SLC8B1: variants seen among roughly 807,000 people sequenced by gnomAD.
SLC8B1 encodes solute carrier family 8 member B1.
A neutral mutation model predicts 63.4 loss-of-function variants in SLC8B1; 52 were observed. The observed-to-expected ratio is 0.82, with a 90% CI of 0.66 to 1.03. The LOEUF (loss-of-function observed/expected upper bound fraction) is 1.03, where lower values mean the gene tolerates loss of function less well. Ranked by LOEUF, SLC8B1 falls within the 50% of genes least tolerant of loss-of-function variation. The pLI, the probability that SLC8B1 is intolerant of heterozygous loss-of-function variation, is 0.00. For missense variants in SLC8B1, 657 were observed against 741.7 expected (o/e 0.89, Z 1.33); for synonymous variants, 336 against 323.9 (o/e 1.04, Z -0.40).
At chr12:113,304,497 G>T in intron 14 of SLC8B1, 112 bp from the exon 15 acceptor site, 1 of 978,390 alleles carries the variant, frequency 1.0e-6, no homozygotes, top group Non-Finnish European at 1.6e-6. Flanking sequence ...CTGCAAGAAT[G>T]AACTTGGGCC....
intron 11 of SLC8B1, 64 bp downstream of exon 11, chr12:113,315,270 GA>G: frequency 6.9e-7 from 1 of 1,439,542 alleles, no homozygotes; most frequent in Non-Finnish European, 9.2e-7. Flanking sequence ...AGCCTGGGTG[GA>G]AGAAAACTCC....
chr12:113,320,341 T>C lies in SLC8B1; in HGVS notation c.684A>G (p.Ala228=). Reference sequence around the variant, plus strand: ...CCCAGAGCTGCTCACCCAGAGCCCATGCCAGGGTGACCCTGCCACGGAAGA... The same window carrying C: ...CCCAGAGCTGCTCACCCAGAGCCCACGCCAGGGTGACCCTGCCACGGAAGA... ...LMLFRGRVTL[A]WALGYLGLYV... Residue 228 remains alanine (A), a synonymous_variant, in exon 7 of 16, where the codon GCA becomes GCG. Transcript: ENST00000680972. This position sits in a 1 kb window ranked among gnomAD's most constrained non-coding sequence, Gnocchi z 5.3. 6.2e-7 allele frequency: 1 copy of C among 1,614,022 alleles called. No homozygotes were observed. Among genetic ancestry groups the C allele is most frequent in the Non-Finnish European group, 8.5e-7 (1 of 1,179,968 alleles).
chr12:113,307,110 CAAAAAAAAAAAAAAAAAAAAAA>C (rs67032040), intron 13 of SLC8B1, among the ~76,000 whole-genome samples: 341 of 18,200 alleles, frequency 0.019, 8 homozygotes, highest in African/African-American at 0.047. Flanking sequence ...GCCTCCATCT[CAAAAAAAAAAAAAAAAAAAAAA>C]AAAAAAAAAA....
Position 113,321,209 on chromosome 12 carries a change from G to A in SLC8B1, c.296C>T (p.Ala99Val), listed in dbSNP as rs765609055. The A allele has an allele frequency of 6.2e-7, 1 of 1,614,130 alleles. No individual in the cohort carries two copies. The highest frequency in any genetic ancestry group is 1.1e-5 in the South Asian group (1 of 91,080). ...CHFPPSLLPLAVTLYVSWLLY... is the reference protein window; with the variant it reads ...CHFPPSLLPLVVTLYVSWLLY... ...GCAGGGCCTCACGTAGAGAGTGACA[G>A]CCAGAGGGAGGAGGCTGGGAGGGAA... Residue 99 changes from alanine to valine, a missense_variant, in exon 3 of 16, where the codon GCT becomes GTT. Coordinates refer to ENST00000680972, the MANE Select transcript of SLC8B1 (RefSeq NM_001358345.2).
At chr12:113,304,504 G>A in intron 14 of SLC8B1, 119 bp from the exon 15 acceptor site, 3 of 903,108 alleles carry the variant, frequency 3.3e-6, no homozygotes, top group Non-Finnish European at 5.2e-6. Context: ...AATGAACTTG[G>A]GCCAGGCGCA....
chr12:113,309,288 C>T (rs1473217730), intron 12 of SLC8B1, among the ~76,000 whole-genome samples: 1 of 151,998 alleles, frequency 6.6e-6, no homozygotes, highest in East Asian at 1.9e-4. Flanking sequence ...CCAGCCTCAG[C>T]CTCCCGAGTA....
intron 15 of SLC8B1, among the ~76,000 whole-genome samples, chr12:113,301,206 C>T (rs565997187): frequency 4.6e-5 from 7 of 151,604 alleles, no homozygotes; most frequent in Non-Finnish European, 8.8e-5. Flanking sequence ...AAACAGACAA[C>T]AAAGCAAAGG....
Position 113,299,518 on chromosome 12 carries a change from T to C in SLC8B1, c.*259A>G. 2.1e-6 allele frequency: 1 copy of C among 469,220 alleles called. No individual in the cohort carries two copies. The highest frequency in any genetic ancestry group is 4.1e-5 in the East Asian group (1 of 24,486). The allele number at this position is 469,220 out of a possible 1,614,324, so 29.1% of individuals were successfully genotyped here. ...GCTCTGGGGGTCATTCAAGGGGGAC[T>C]TCTAGCTTCTCTCTGGAACCCTTTG... On this transcript the variant is annotated 3_prime_UTR_variant, in exon 16 of 16. Coordinates refer to ENST00000680972, the MANE Select transcript of SLC8B1 (RefSeq NM_001358345.2).
chr12:113,300,383 T>C (rs1337486356), intron 15 of SLC8B1, among the ~76,000 whole-genome samples: 1 of 152,186 alleles, frequency 6.6e-6, no homozygotes, highest in Non-Finnish European at 1.5e-5. Flanking sequence ...CTGGGGAGGC[T>C]GAGGCAGGAG....
chr12:113,317,867 G>A (rs566542352), intron 8 of SLC8B1, among the ~76,000 whole-genome samples: 1 of 149,732 alleles, frequency 6.7e-6, no homozygotes, highest in Non-Finnish European at 1.5e-5. Flanking sequence ...TGTGTATGCT[G>A]CATGTTTGTG....
chr12:113,302,279 G>T (rs1956598764), intron 15 of SLC8B1: 2 of 183,676 alleles, frequency 1.1e-5, no homozygotes, highest in South Asian at 2.1e-4. Flanking sequence ...CAGAGGCAGA[G>T]ACTGCAGAGA....
At chr12:113,315,269 G>A in intron 11 of SLC8B1, 66 bp downstream of exon 11, 1 of 1,436,296 alleles carries the variant, frequency 7.0e-7, no homozygotes, top group Admixed American at 2.6e-5. Context: ...CAGCCTGGGT[G>A]GAAGAAAACT....
chr12:113,319,002 C>T lies in SLC8B1; in HGVS notation c.764G>A (p.Arg255Gln), dbSNP rs145132011. 38 of 1,614,004 alleles carry T rather than the reference C, an allele frequency of 2.4e-5. No homozygotes were observed. The Middle Eastern group carries it at 1.2e-3, about 49-fold the overall frequency. Residue 255 changes from arginine (R) to glutamine (Q), a missense_variant, in exon 8 of 16, where the codon CGG (arginine) becomes CAG (glutamine). By Grantham distance (43) the Arg-to-Gln change is conservative. Transcript: ENST00000680972. ...CATGGGGCAGAACAGAGATCCTCTC[C>T]GTTGCCGTTGGTAGATCCAGGTGCA... ...ILCTWIYQRQ[R>Q]RGSLFCPMPV...
intron 11 of SLC8B1, among the ~76,000 whole-genome samples, chr12:113,315,115 G>A (rs138606004): frequency 8.5e-5 from 13 of 152,270 alleles, no homozygotes; most frequent in African/African-American, 1.9e-4. Context: ...GTGAAACCCC[G>A]TCTCTGTGAA....
In SLC8B1 at chr12:113,302,329, C is replaced by G. The variant is rs368597107; in HGVS notation, c.1557+1992G>C. ...AAGGAACGTCAGGAGCCAACAGCAG[C>G]TGGAAGAGGTGAGGAAGGATCCTCC... On this transcript the variant is annotated intron_variant, in intron 15 of 15. Transcript: ENST00000680972. 66 of 208,916 alleles carry G rather than the reference C, an allele frequency of 3.2e-4. 2 individuals carry two copies. The South Asian group carries it at 4.4e-3, about 14-fold the overall frequency. The allele number at this position is 208,916 out of a possible 1,614,324, so 12.9% of individuals were successfully genotyped here.
intron 2 of SLC8B1, among the ~76,000 whole-genome samples, chr12:113,324,728 G>C (rs544656058): frequency 1.7e-4 from 25 of 150,252 alleles, no homozygotes; most frequent in Admixed American, 5.3e-4. Context: ...CTTTGAGACA[G>C]AGTCTCACTC....
At chr12:113,316,855 G>C in intron 9 of SLC8B1, 87 bp downstream of exon 9, 2 of 1,527,622 alleles carry the variant, frequency 1.3e-6, no homozygotes, top group Non-Finnish European at 1.8e-6. Context: ...CTCATTCCTG[G>C]AGCCCAGGTC....
intron 9 of SLC8B1, 34 bp from the exon 10 acceptor site, chr12:113,316,690 GC>G: frequency 6.2e-7 from 1 of 1,607,338 alleles, no homozygotes; most frequent in Non-Finnish European, 8.5e-7. Context: ...AGGTGTGCCT[GC>G]GGCTGACTTG....
chr12:113,315,320 G>A lies in SLC8B1; in HGVS notation c.1135+15C>T, dbSNP rs371346626. 4.0e-6 allele frequency: 6 copies of A among 1,518,624 alleles called. No individual in the cohort carries two copies. Among genetic ancestry groups the A allele is most frequent in the Non-Finnish European group, 4.4e-6 (5 of 1,128,152 alleles). 94.1% of individuals were successfully genotyped at this position (1,518,624 alleles called of 1,614,324 possible). ...GAGTAGGAAGGTGGGTTGGCCCGGG[G>A]TAGGGGATACTCACAGGTCCCCGAC... is the stretch of plus-strand genomic sequence containing the variant. On this transcript the variant is annotated intron_variant, in intron 11 of 15. Transcript: ENST00000680972.
Sources: allele counts gnomAD v4.1 joint callset (sites outside exome capture counted in the v4.1 genomes callset), GRCh38; gene constraint gnomAD v4.1.1; non-coding constraint Gnocchi (gnomAD v3.1); transcripts MANE v1.5; gene names NCBI Gene and HGNC (gene_info 2026-07-23, HGNC 2026-07-21).